The following GPAT2 variants were observed in gnomAD, a reference collection of about 807,000 sequenced individuals.
The protein encoded by GPAT2 is 1-acylglycerol-3-phosphate O-acyltransferase GPAT2.
Under a neutral mutation model 71.0 loss-of-function variants are expected in GPAT2, and 51 were observed. That is an observed-to-expected ratio of 0.72 (90% CI 0.57 to 0.91). The LOEUF (loss-of-function observed/expected upper bound fraction) is 0.91. Ranked by LOEUF, GPAT2 falls within the 40% of genes least tolerant of loss-of-function variation. The pLI, the probability that GPAT2 is intolerant of heterozygous loss-of-function variation, is 0.00. For missense variants in GPAT2, 511 were observed against 666.0 expected, an observed-to-expected ratio of 0.77 and a Z score of 2.56; for synonymous variants, 222 against 290.3, an observed-to-expected ratio of 0.76 and a Z score of 2.39.
rs1427060162 is a variant in GPAT2, at chr2:96,022,109, A to G, written c.*50T>C. ...TCTCCATCTTCTGGCTCTAGGACAC[A>G]GCTGTGTTCTGGGGCTGAGAAGTCT... On this transcript the variant is annotated 3_prime_UTR_variant, in exon 22 of 22. Coordinates refer to ENST00000434632, the MANE Select transcript of GPAT2 (RefSeq NM_001321527.2). 6.3e-7 allele frequency: 1 copy of G among 1,595,264 alleles called. No homozygotes were observed. Among genetic ancestry groups the G allele is most frequent in the Non-Finnish European group, 8.5e-7 (1 of 1,171,886 alleles).
In GPAT2 at chr2:96,023,362, A is replaced by G; in HGVS notation, c.1993T>C (p.Phe665Leu). 6.2e-7 allele frequency: 1 copy of G among 1,614,204 alleles called. No individual in the cohort carries two copies. The highest frequency in any genetic ancestry group is 8.5e-7 in the Non-Finnish European group (1 of 1,180,018). ...AAGTCATCACTGTCACTATCAGTAAAGTCCCCACTCGGTTTCCACAGCAGC... is the reference window on the plus strand; with the variant it reads ...AAGTCATCACTGTCACTATCAGTAAGGTCCCCACTCGGTTTCCACAGCAGC... ...RKLLWKPSGD[F>L]TDSDSDDFGE... Residue 665 changes from phenylalanine (F) to leucine (L), a missense_variant, in exon 18 of 22, where the codon TTT becomes CTT. Physicochemically the swap from Phe to Leu is conservative, Grantham distance 22 (BLOSUM62 0). Coordinates refer to ENST00000434632, the MANE Select transcript of GPAT2 (RefSeq NM_001321527.2).
At position 96,025,513 on chromosome 2, in the gene GPAT2, G is replaced by A; in HGVS notation, c.1329C>T (p.Val443=). ...TCAGGACATGACAGCTCAGTCTCCT[G>A]ACCAGGAGCTGGTCCTCTTCCTTGA... ...LALKEEDQLL[V]RRLSCHVLSA... Residue 443 remains valine, a synonymous_variant, in exon 13 of 22, where the codon GTC becomes GTT. Transcript: ENST00000434632. The A allele has an allele frequency of 6.4e-7, 1 of 1,564,604 alleles. No individual in the cohort carries two copies. The highest frequency in any genetic ancestry group is 1.2e-5 in the South Asian group (1 of 84,218).
Position 96,022,178 on chromosome 2 carries a change from C to G in GPAT2, c.2387G>C (p.Arg796Pro), listed in dbSNP as rs527435241. 122 of 1,610,708 alleles carry G rather than the reference C, an allele frequency of 7.6e-5. No homozygotes were observed. Among genetic ancestry groups the G allele is most frequent in the Non-Finnish European group, 9.7e-5 (114 of 1,179,328 alleles). Residue 796 changes from arginine (R) to proline (P), a missense_variant, in exon 22 of 22, where the codon CGG (arginine) becomes CCG (proline). Arg to Pro is a moderately radical substitution (Grantham distance 103, BLOSUM62 -2). Coordinates refer to ENST00000434632, the MANE Select transcript of GPAT2 (RefSeq NM_001321527.2). ...DNQEKLEQFI[R>P]QFICS Reference sequence around the variant, plus strand: ...ACAGTTCTAGCTACAAATGAACTGCCGGATGAACTGTTCTAGTTTTTCCTG... The same window carrying G: ...ACAGTTCTAGCTACAAATGAACTGCGGGATGAACTGTTCTAGTTTTTCCTG...
chr2:96,022,269 G>T lies in GPAT2; in HGVS notation c.2296C>A (p.Gln766Lys), dbSNP rs1296768626. ...VWTFRDLGVL[Q>K]QTPSPAGPRL... ...GGGCCTGCAGGGCTCGGCGTCTGCT[G>T]CAGAACCTGGGCCATGGAAGATAAG... The change falls in exon 22 of 22, where the codon CAG (glutamine) becomes AAG (lysine). Residue 766 changes from glutamine to lysine, a missense_variant. This residue lies in a region of GPAT2 where 108 missense variants were observed against 117.6 expected (regional missense o/e 0.92). Transcript: ENST00000434632. 1.3e-5 allele frequency: 20 copies of T among 1,594,680 alleles called. No individual in the cohort carries two copies. Among genetic ancestry groups the T allele is most frequent in the Non-Finnish European group, 1.7e-5 (20 of 1,169,796 alleles).
At chr2:96,034,075 AATAC>A (rs1680873595) in intron 1 of GPAT2, among the ~76,000 whole-genome samples, 1 of 150,196 alleles carries the variant, frequency 6.7e-6, no homozygotes, top group Admixed American at 6.7e-5. Flanking sequence ...ATATACATAT[AATAC>A]ATATATACAT....
rs765723500 is a variant in GPAT2 at position 96,024,494 on chromosome 2, T to A, written c.1620A>T (p.Pro540=). ...GDLLVVPQPG[P]GLTHLAQLSA... is the part of the protein sequence containing the mutation. Reference sequence around the variant, plus strand: ...TCAGTTGTGCCAGGTGTGTGAGGCCTGGGCCAGGCTGCGGCACCACCAGCA... The same window carrying A: ...TCAGTTGTGCCAGGTGTGTGAGGCCAGGGCCAGGCTGCGGCACCACCAGCA... Residue 540 remains proline, a synonymous_variant, in exon 15 of 22, where the codon CCA becomes CCT. Coordinates refer to ENST00000434632, the MANE Select transcript of GPAT2 (RefSeq NM_001321527.2). 6.2e-7 allele frequency: 1 copy of A among 1,613,972 alleles called. No homozygotes were observed. Among genetic ancestry groups the A allele is most frequent in the Non-Finnish European group, 8.5e-7 (1 of 1,179,956 alleles).
rs776874231 is a variant in GPAT2 at position 96,023,364 on chromosome 2, T to TC, written c.1990dup (p.Asp664GlyfsTer4). 6.2e-7 allele frequency: 1 copy of TC among 1,614,160 alleles called. No individual in the cohort carries two copies. Among genetic ancestry groups the TC allele is most frequent in the Non-Finnish European group, 8.5e-7 (1 of 1,180,014 alleles). Reference sequence around the variant, plus strand: ...GTCATCACTGTCACTATCAGTAAAGTCCCCACTCGGTTTCCACAGCAGCTT... The same window carrying TC: ...GTCATCACTGTCACTATCAGTAAAGTCCCCCACTCGGTTTCCACAGCAGCTT... On this transcript the variant is annotated frameshift_variant, in exon 18 of 22. Transcript: ENST00000434632. LOFTEE classifies it high-confidence loss of function.
rs370102271 is a variant in GPAT2, at chr2:96,022,979, C to T, written c.2212G>A (p.Ala738Thr). 36 of 1,613,788 alleles carry T rather than the reference C, an allele frequency of 2.2e-5. No homozygotes were observed. The highest frequency in any genetic ancestry group is 2.8e-5 in the Non-Finnish European group (33 of 1,179,854). Residue 738 changes from alanine (A) to threonine (T), a missense_variant, in exon 20 of 22, where the codon GCC becomes ACC. Around this residue, in one of 7 missense-constraint regions of GPAT2, gnomAD observed 108 missense variants for 117.6 expected, o/e 0.92. Coordinates refer to ENST00000434632, the MANE Select transcript of GPAT2 (RefSeq NM_001321527.2). ...EQLFQFLQATAQEEGIFECAD... is the reference protein window; with the variant it reads ...EQLFQFLQATTQEEGIFECAD... ...TCACCGAAGATCCCTTCTTCCTGGG[C>T]GGTGGCCTGCAGGAACTGGAACAGC...
chr2:96,026,380 C>G, intron 10 of GPAT2, 75 bp from the exon 11 acceptor site: 2 of 1,361,776 alleles, frequency 1.5e-6, no homozygotes, highest in Non-Finnish European at 1.9e-6. Flanking sequence ...GCCCACCCAT[C>G]CTGGTCTCCA....
At chr2:96,023,656 G>A (rs1378587596) in intron 17 of GPAT2, 1 of 660,216 alleles carries the variant, frequency 1.5e-6, no homozygotes, top group African/African-American at 1.8e-5. Flanking sequence ...AAGAAATGTG[G>A]GGAGCAGGAG....
In GPAT2 at chr2:96,025,456, G is replaced by A. The variant is rs2579512; in HGVS notation, c.1357+29C>T. The A allele has an allele frequency of 2.3e-3, 3,555 of 1,568,904 alleles. 11 individuals carry two copies. Among genetic ancestry groups the A allele is most frequent in the Non-Finnish European group, 2.7e-3 (3,077 of 1,157,316 alleles). On this transcript the variant is annotated intron_variant, in intron 13 of 21. Transcript: ENST00000434632. ...GAGGGGACGGTTCAGTGACCCACCC[G>A]CAAAGGCCCAGATCTGGTTCACCCT...
rs1168501104 is a variant in GPAT2, at chr2:96,022,129, A to C, written c.*30T>G. 4.4e-6 allele frequency: 7 copies of C among 1,606,024 alleles called. No individual in the cohort carries two copies. The East Asian group carries it at 1.1e-4, about 26-fold the overall frequency. On this transcript the variant is annotated 3_prime_UTR_variant, in exon 22 of 22. Coordinates refer to ENST00000434632, the MANE Select transcript of GPAT2 (RefSeq NM_001321527.2). ...GACACAGCTGTGTTCTGGGGCTGAGAAGTCTCAGCACAGGCTCCTCCTCAC... is the reference window on the plus strand; with the variant it reads ...GACACAGCTGTGTTCTGGGGCTGAGCAGTCTCAGCACAGGCTCCTCCTCAC...
chr2:96,023,401 G>C lies in GPAT2; in HGVS notation c.1954C>G (p.Arg652Gly). The C allele has an allele frequency of 2.5e-6, 4 of 1,614,140 alleles. No homozygotes were observed. Among genetic ancestry groups the C allele is most frequent in the Non-Finnish European group, 3.4e-6 (4 of 1,180,034 alleles). Reference protein sequence around the residue: ...SRPACDTGRQRLSRKLLWKPS... With the variant: ...SRPACDTGRQGLSRKLLWKPS... The stretch of plus-strand genomic sequence containing the variant: ...TTCCACAGCAGCTTTCTGCTCAATC[G>C]CTGTCGCCCTGTGTCACAGGCTGGC... Residue 652 changes from arginine (R) to glycine (G), a missense_variant, in exon 18 of 22, where the codon CGA becomes GGA. Arg to Gly is a moderately radical substitution (Grantham distance 125). Transcript: ENST00000434632.
Position 96,026,027 on chromosome 2 carries a change from G to A in GPAT2, c.1156-15C>T, listed in dbSNP as rs1248552573. On this transcript the variant is annotated splice_polypyrimidine_tract_variant and intron_variant, in intron 11 of 21. Coordinates refer to ENST00000434632, the MANE Select transcript of GPAT2 (RefSeq NM_001321527.2). ...ACGATGTATTCCTGCCCAAGAGAAGGCTCTTAGGTGGCCTGCTCGGGCCCA... is the reference window on the plus strand; with the variant it reads ...ACGATGTATTCCTGCCCAAGAGAAGACTCTTAGGTGGCCTGCTCGGGCCCA... 1 of 1,612,136 alleles carries A rather than the reference G, an allele frequency of 6.2e-7. No individual in the cohort carries two copies. The highest frequency in any genetic ancestry group is 1.3e-5 in the African/African-American group (1 of 74,882).
rs1015195048 is a variant in GPAT2, at chr2:96,026,010, T to C, written c.1158A>G (p.Glu386=). The change falls in exon 12 of 22, where the codon GAA becomes GAG. Residue 386 remains glutamate (E), a splice_region_variant and synonymous_variant. Transcript: ENST00000434632. ...VHLAQPFSLQ[E]YIVSARSCWG... The stretch of plus-strand genomic sequence containing the variant: ...AGCAGCTTCTGGCACTGACGATGTA[T>C]TCCTGCCCAAGAGAAGGCTCTTAGG... The C allele has an allele frequency of 6.2e-7, 1 of 1,612,688 alleles. No homozygotes were observed. The highest frequency in any genetic ancestry group is 1.3e-5 in the African/African-American group (1 of 74,912).
At chr2:96,024,961 C>T (rs879485031) in intron 13 of GPAT2, 118 bp from the exon 14 acceptor site, 31 of 1,159,290 alleles carry the variant, frequency 2.7e-5, no homozygotes, top group Middle Eastern at 2.8e-4. Flanking sequence ...GGATGAGGAA[C>T]GTACACCCGG....
intron 21 of GPAT2, 75 bp from the exon 22 acceptor site, chr2:96,022,350 T>A: frequency 1.4e-6 from 2 of 1,457,704 alleles, no homozygotes. Flanking sequence ...GCCAGGCCTG[T>A]CCCCCAGAAA....
rs534305630 is a variant in GPAT2, at chr2:96,024,555, G to A, written c.1559C>T (p.Ala520Val). Residue 520 changes from alanine (A) to valine (V), a missense_variant, in exon 15 of 22, where the codon GCG becomes GTG. By Grantham distance (64) the Ala-to-Val change is moderately conservative. This residue lies in a region of GPAT2 where 295 missense variants were observed against 305.5 expected (regional missense o/e 0.97). Coordinates refer to ENST00000434632, the MANE Select transcript of GPAT2 (RefSeq NM_001321527.2). Reference protein sequence around the residue: ...LLQHSLSLLRAHVALLRIRQG... With the variant: ...LLQHSLSLLRVHVALLRIRQG... The stretch of plus-strand genomic sequence containing the variant: ...ACGGATGCGCAGCAGGGCCACGTGC[G>A]CCCGCAGCAGGCTCAGTGAGTGCTG... 2.0e-5 allele frequency: 33 copies of A among 1,613,676 alleles called. No homozygotes were observed. Among genetic ancestry groups the A allele is most frequent in the South Asian group, 8.8e-5 (8 of 91,078 alleles).
intron 20 of GPAT2, 70 bp downstream of exon 20, chr2:96,022,888 C>T: frequency 6.2e-7 from 1 of 1,612,722 alleles, no homozygotes; most frequent in Non-Finnish European, 8.5e-7. Context: ...TGTCACTGTC[C>T]TGCAGGGGGC....
Sources: allele counts gnomAD v4.1 joint callset (sites outside exome capture counted in the v4.1 genomes callset), GRCh38; gene constraint gnomAD v4.1.1; regional missense constraint gnomAD v4.1.1; transcripts MANE v1.5; gene names NCBI Gene and HGNC (gene_info 2026-07-23, HGNC 2026-07-21).